Variants in EXOC6B observed in about 807,000 individuals in gnomAD.
EXOC6B encodes the protein SEC15 homolog B.
A neutral mutation model predicts 113.5 loss-of-function variants in EXOC6B; 54 were observed. The ratio of observed to expected loss-of-function variants is 0.48; its 90% CI spans 0.38 to 0.60. The LOEUF is 0.60. EXOC6B is among the 20% of genes least tolerant of loss of function. The probability of loss-of-function intolerance (pLI) is 0.00; values close to 1 mark genes in which losing one functional copy is unlikely to be tolerated. For synonymous variants in EXOC6B, 357 were observed against 339.0 expected (o/e 1.05, Z -0.58); for missense variants, 797 against 977.5 (o/e 0.82, Z 2.46).
At chr2:72,602,929 A>C (rs1670518586) in intron 6 of EXOC6B, among the ~76,000 whole-genome samples, 1 of 152,174 alleles carries the variant, frequency 6.6e-6, no homozygotes, top group African/African-American at 2.4e-5. Context: ...ATTTTGTTGG[A>C]ACAAGGGCCT....
chr2:72,556,284 A>C (rs1703540121), intron 8 of EXOC6B, among the ~76,000 whole-genome samples: 1 of 152,214 alleles, frequency 6.6e-6, no homozygotes, highest in Non-Finnish European at 1.5e-5. Flanking sequence ...TCTCCACTAC[A>C]GCAATGCTTC....
At chr2:72,453,727 T>C (rs1206131581) in intron 18 of EXOC6B, among the ~76,000 whole-genome samples, 1 of 152,176 alleles carries the variant, frequency 6.6e-6, no homozygotes, top group Non-Finnish European at 1.5e-5. Context: ...GAAATAACTG[T>C]TTTCTCCTCA....
chr2:72,705,476 T>C (rs1678789797), intron 6 of EXOC6B, among the ~76,000 whole-genome samples: 1 of 152,198 alleles, frequency 6.6e-6, no homozygotes, highest in Admixed American at 6.5e-5. Flanking sequence ...AATGATATTT[T>C]CTGTTTTCAA....
chr2:72,636,745 C>A (rs528944575), intron 6 of EXOC6B, among the ~76,000 whole-genome samples: 2 of 152,018 alleles, frequency 1.3e-5, no homozygotes, highest in Non-Finnish European at 2.9e-5. Context: ...ATATTTTCCA[C>A]CTAAGACAGG....
At chr2:72,220,250 T>C (rs778582971) in intron 20 of EXOC6B, among the ~76,000 whole-genome samples, 2 of 152,118 alleles carry the variant, frequency 1.3e-5, no homozygotes, top group Non-Finnish European at 2.9e-5. Context: ...CTATACTCCA[T>C]TCTTTCTTAA....
chr2:72,702,054 G>A (rs1422972034), intron 6 of EXOC6B, among the ~76,000 whole-genome samples: 3 of 151,160 alleles, frequency 2.0e-5, no homozygotes, highest in Non-Finnish European at 2.9e-5. Context: ...TATATCTCCC[G>A]ATGCTAACCC....
chr2:72,188,277 C>T (rs189380640), intron 20 of EXOC6B, among the ~76,000 whole-genome samples: 173 of 152,330 alleles, frequency 1.1e-3, no homozygotes, highest in African/African-American at 3.9e-3. Context: ...TAAGGATTTC[C>T]ATTTTTGTCT....
At chr2:72,660,233 T>A (rs1405892442) in intron 6 of EXOC6B, among the ~76,000 whole-genome samples, 1 of 152,078 alleles carries the variant, frequency 6.6e-6, no homozygotes, top group Non-Finnish European at 1.5e-5. Context: ...AATTTAACAA[T>A]CTTGAATGGA....
chr2:72,498,264 A>T (rs1405870242), intron 13 of EXOC6B, among the ~76,000 whole-genome samples, 190 bp downstream of exon 13: 2 of 152,196 alleles, frequency 1.3e-5, no homozygotes, highest in Admixed American at 1.3e-4. Context: ...CTGAGACTGG[A>T]TATCTTGGGA....
At chr2:72,503,844 T>C (rs1226273148) in intron 11 of EXOC6B, among the ~76,000 whole-genome samples, 1 of 151,870 alleles carries the variant, frequency 6.6e-6, no homozygotes, top group Non-Finnish European at 1.5e-5. Flanking sequence ...CTGCACATTC[T>C]CTCCAGCATT....
rs141621147 is a variant in EXOC6B, at chr2:72,417,644, A to G, written c.1981-37774T>C. 5.4e-3 allele frequency among the ~76,000 whole-genome samples: 825 copies of G among 152,294 alleles called. 8 individuals carry two copies. The highest frequency in any genetic ancestry group is 0.019 in the African/African-American group (790 of 41,560). On this transcript the variant is annotated intron_variant, in intron 18 of 21. Transcript: ENST00000272427. ...AATTTTAGATTATAGTATTTTGCAC[A>G]TACACAAAATTCAATTTTTAAGACA...
At chr2:72,387,548 T>G (rs1309304011) in intron 18 of EXOC6B, among the ~76,000 whole-genome samples, 1 of 152,266 alleles carries the variant, frequency 6.6e-6, no homozygotes, top group East Asian at 1.9e-4. Context: ...TCTTGAGTAA[T>G]TTGTAATTTG....
At position 72,623,682 on chromosome 2, in the gene EXOC6B, C is replaced by A. The variant is rs75198047; in HGVS notation, c.670-48014G>T. 5.0e-4 allele frequency among the ~76,000 whole-genome samples: 76 copies of A among 152,260 alleles called. 1 individual carries two copies. In the East Asian group the frequency reaches 0.012, roughly 25 times the overall value. On this transcript the variant is annotated intron_variant, in intron 6 of 21. Transcript: ENST00000272427. ...GTGCCCTGTCAATGACCCAGCTGACCAGCACCTTAATTAGACTCAACCACT... is the reference window on the plus strand; with the variant it reads ...GTGCCCTGTCAATGACCCAGCTGACAAGCACCTTAATTAGACTCAACCACT...
At chr2:72,264,337 G>A (rs13392314) in intron 20 of EXOC6B, among the ~76,000 whole-genome samples, 18,164 of 152,128 alleles carry the variant, frequency 0.12, 1,344 homozygotes, top group Admixed American at 0.16. Flanking sequence ...TTGGGAGACC[G>A]AGGCGGGCAG....
intron 19 of EXOC6B, among the ~76,000 whole-genome samples, chr2:72,369,262 T>C (rs897432646): frequency 1.5e-4 from 23 of 152,258 alleles, no homozygotes; most frequent in African/African-American, 4.6e-4. Flanking sequence ...CCATTCACAA[T>C]TGCTTCAAAC....
intron 20 of EXOC6B, among the ~76,000 whole-genome samples, chr2:72,306,973 G>A (rs376200419): frequency 6.4e-4 from 97 of 152,166 alleles, no homozygotes; most frequent in African/African-American, 2.1e-3. Flanking sequence ...TTTAGGATCA[G>A]GACCATAATA....
intron 1 of EXOC6B, among the ~76,000 whole-genome samples, chr2:72,744,188 C>T: frequency 6.6e-6 from 1 of 152,092 alleles, no homozygotes; most frequent in Non-Finnish European, 1.5e-5. Context: ...TGTAAGTATA[C>T]TCTATGATGT....
chr2:72,480,605 G>T lies in EXOC6B; in HGVS notation c.1800+11C>A. 6.4e-7 allele frequency: 1 copy of T among 1,573,098 alleles called. No homozygotes were observed. Among genetic ancestry groups the T allele is most frequent in the East Asian group, 2.3e-5 (1 of 43,248 alleles). ...CAGAAGCAGTTCCACAGTACTGTAG[G>T]GCCCTCTCACCTTAAAAGTTGTGGT... On this transcript the variant is annotated intron_variant, in intron 17 of 21. Transcript: ENST00000272427.
intron 1 of EXOC6B, among the ~76,000 whole-genome samples, chr2:72,809,098 A>G (rs1451283548): frequency 2.6e-5 from 4 of 152,138 alleles, no homozygotes; most frequent in Non-Finnish European, 5.9e-5. Context: ...GCAGCAGCAC[A>G]ACAAACAAAT....
Sources: allele counts gnomAD v4.1 joint callset (sites outside exome capture counted in the v4.1 genomes callset), GRCh38; gene constraint gnomAD v4.1.1; transcripts MANE v1.5; gene names NCBI Gene and HGNC (gene_info 2026-07-23, HGNC 2026-07-21).